USP15: variants seen among roughly 807,000 people sequenced by gnomAD.
USP15 encodes the protein ubiquitin carboxyl-terminal hydrolase 15.
In USP15, 18 loss-of-function variants were observed where a neutral mutation model predicts 127.1. The observed-to-expected ratio is 0.14, with a 90% CI of 0.10 to 0.21. USP15 has a LOEUF of 0.21. Among genes scored for constraint, USP15 ranks in the 10% least tolerant of loss-of-function variants. USP15 has a pLI of 1.00. For synonymous variants in USP15, 364 were observed against 393.7 expected, an observed-to-expected ratio of 0.92 and a Z score of 0.89; for missense variants, 805 against 1,159.9, an observed-to-expected ratio of 0.69 and a Z score of 4.44.
In USP15 at chr12:62,406,368, A is replaced by G. The variant is rs1185229361; in HGVS notation, c.*1993A>G. On this transcript the variant is annotated 3_prime_UTR_variant, in exon 22 of 22. Transcript: ENST00000280377. The stretch of plus-strand genomic sequence containing the variant: ...TCTGGAGATACAGCAGTAAACAAAT[A>G]TCCTTACCTTCACAGAGCTTACATT... 1 of 152,204 alleles carries G rather than the reference A, an allele frequency of 6.6e-6. No individual in the cohort carries two copies. The highest frequency in any genetic ancestry group is 1.5e-5 in the Non-Finnish European group (1 of 68,030). The allele number at this position is 152,204 out of a possible 1,614,324, so 9.4% of individuals were successfully genotyped here. A position where few individuals can be genotyped will look rare whatever the true frequency, so the allele number is the denominator to read the frequency against.
intron 1 of USP15, chr12:62,278,531 C>T (rs897532875): frequency 2.0e-5 from 3 of 152,120 alleles, no homozygotes; most frequent in African/African-American, 7.2e-5. Flanking sequence ...GCTACAACAT[C>T]ACAATGGCTA....
At chr12:62,379,998 C>A (rs1773768700) in intron 8 of USP15, among the ~76,000 whole-genome samples, 1 of 152,006 alleles carries the variant, frequency 6.6e-6, no homozygotes, top group African/African-American at 2.4e-5. Context: ...TTGCCTCCTA[C>A]ACTGTAGCAT....
rs2064982593 is a variant in USP15, at chr12:62,321,452, C to T, written c.476-12C>T. On this transcript the variant is annotated splice_polypyrimidine_tract_variant and intron_variant, in intron 4 of 21. Transcript: ENST00000280377. ...CATACTATATTTATATATCTTTCCT[C>T]CTTAAATCTAGATACAATTGAAAAG... The T allele has an allele frequency of 6.6e-7, 1 of 1,508,374 alleles. No homozygotes were observed. The highest frequency in any genetic ancestry group is 1.2e-5 in the South Asian group (1 of 81,378). The allele number at this position is 1,508,374 out of a possible 1,614,324, so 93.4% of individuals were successfully genotyped here.
chr12:62,385,586 A>T (rs1469072183), intron 11 of USP15, among the ~76,000 whole-genome samples: 1 of 151,994 alleles, frequency 6.6e-6, no homozygotes, highest in Non-Finnish European at 1.5e-5. Flanking sequence ...TCAGTATTTC[A>T]CTGGAGAGTG....
In USP15 at chr12:62,260,538, C is replaced by G. The variant is rs1434319584; in HGVS notation, c.89+35C>G. 2.6e-6 allele frequency: 4 copies of G among 1,539,838 alleles called. No homozygotes were observed. In the South Asian group the frequency reaches 4.8e-5, roughly 18 times the overall value. ...AGGGGTTGAGATGCCCGCGGTTGCC[C>G]GAGGATAGTGGAGAAGTGGGCGGGA... On this transcript the variant is annotated intron_variant, in intron 1 of 21. Transcript: ENST00000280377.
chr12:62,343,120 A>T (rs1046691105), intron 6 of USP15, among the ~76,000 whole-genome samples: 2 of 152,166 alleles, frequency 1.3e-5, no homozygotes, highest in African/African-American at 4.8e-5. Context: ...CTGCCCAGTG[A>T]GGAGGAATGT....
Position 62,305,194 on chromosome 12 carries a change from T to A in USP15, c.348+2274T>A, listed in dbSNP as rs376998509. On this transcript the variant is annotated intron_variant, in intron 3 of 21. Transcript: ENST00000280377. ...GAATTTTCCCAAACTGAGAAAGGTG[T>A]CATGCTTTAAAGAAATGCTATGAAT... Among the ~76,000 whole-genome samples, 33 of 152,188 alleles carry A rather than the reference T, an allele frequency of 2.2e-4. 1 individual carries two copies. The highest frequency in any genetic ancestry group is 7.9e-4 in the African/African-American group (33 of 41,544).
At chr12:62,355,112 G>A (rs1313247919) in intron 7 of USP15, 5 of 361,464 alleles carry the variant, frequency 1.4e-5, no homozygotes, top group Non-Finnish European at 2.5e-5. Flanking sequence ...TGGTTGGTGT[G>A]GTATATGAGA....
chr12:62,355,103 G>A, intron 7 of USP15: 1 of 333,410 alleles, frequency 3.0e-6, no homozygotes. Context: ...GCTTTGTATT[G>A]GTTGGTGTGG....
Position 62,384,032 on chromosome 12 carries a change from T to C in USP15, c.1248+34T>C, listed in dbSNP as rs371137063. ...CATGATCCTATTGTCACCATTGTTA[T>C]AATTTTGTGATACCTCTTTCTAATT... On this transcript the variant is annotated intron_variant, in intron 10 of 21. Coordinates refer to ENST00000280377, the MANE Select transcript of USP15 (RefSeq NM_001252078.2). The C allele has an allele frequency of 2.4e-5, 39 of 1,610,214 alleles. No homozygotes were observed. The Middle Eastern group carries it at 5.0e-4, about 20-fold the overall frequency.
At chr12:62,295,591 A>G (rs998385885) in intron 2 of USP15, among the ~76,000 whole-genome samples, 1 of 152,230 alleles carries the variant, frequency 6.6e-6, no homozygotes, top group East Asian at 1.9e-4. Context: ...CCCACAAGAC[A>G]TGGAAAAAAT....
intron 21 of USP15, among the ~76,000 whole-genome samples, chr12:62,401,706 CATA>C (rs1449893501): frequency 6.6e-6 from 1 of 151,582 alleles, no homozygotes; most frequent in Admixed American, 6.6e-5. Flanking sequence ...CTCAAAATGA[CATA>C]ATTAGATAAA....
chr12:62,273,907 A>C (rs1026355901), intron 1 of USP15, among the ~76,000 whole-genome samples: 15 of 152,138 alleles, frequency 9.9e-5, no homozygotes, highest in African/African-American at 3.6e-4. Context: ...TCTTCTAAAT[A>C]AGCCTTCCAG....
intron 20 of USP15, among the ~76,000 whole-genome samples, chr12:62,398,199 C>T (rs2067559948): frequency 6.6e-6 from 1 of 151,890 alleles, no homozygotes; most frequent in Non-Finnish European, 1.5e-5. Context: ...CACCATGGTG[C>T]CCAGGCTGGT....
At chr12:62,335,244 T>C in intron 6 of USP15, 14 of 1,534,254 alleles carry the variant, frequency 9.1e-6, no homozygotes, top group Non-Finnish European at 1.1e-5. Flanking sequence ...GGGCTCTGGT[T>C]ATCATCCACA....
chr12:62,362,780 CAA>C (rs1213981642), intron 8 of USP15, among the ~76,000 whole-genome samples: 1 of 151,844 alleles, frequency 6.6e-6, no homozygotes, highest in Non-Finnish European at 1.5e-5. Context: ...ATGAGGGAGA[CAA>C]ATATTAAATC....
intron 1 of USP15, among the ~76,000 whole-genome samples, chr12:62,282,016 A>G (rs2063662770): frequency 6.6e-6 from 1 of 152,108 alleles, no homozygotes; most frequent in African/African-American, 2.4e-5. Flanking sequence ...GCTTTTTCCT[A>G]TGCTTACATA....
intron 7 of USP15, among the ~76,000 whole-genome samples, chr12:62,350,218 A>C (rs2065928947): frequency 6.6e-6 from 1 of 152,032 alleles, no homozygotes; most frequent in South Asian, 2.1e-4. Flanking sequence ...TAAATTCTAA[A>C]AGACTAAAGC....
chr12:62,295,923 T>G (rs2064115524), intron 2 of USP15, among the ~76,000 whole-genome samples: 1 of 152,248 alleles, frequency 6.6e-6, no homozygotes. Flanking sequence ...CTCTTGTGAT[T>G]ATGTTATGTG....
Sources: gnomAD v4.1 joint callset for allele counts (sites outside exome capture counted in the v4.1 genomes callset) on GRCh38, gnomAD v4.1.1 for gene constraint, MANE v1.5 for transcripts, NCBI Gene and HGNC (gene_info 2026-07-23, HGNC 2026-07-21) for gene names.